USO1: variants seen among roughly 807,000 people sequenced by gnomAD.
USO1 encodes the protein general vesicular transport factor p115.
In USO1, 57 loss-of-function variants were observed where a neutral mutation model predicts 124.5. That is an observed-to-expected ratio of 0.46 (90% confidence interval 0.37 to 0.57). The LOEUF (loss-of-function observed/expected upper bound fraction) is 0.57, where lower values mean the gene tolerates loss of function less well. Among genes scored for constraint, USO1 ranks in the 20% least tolerant of loss-of-function variants. USO1 has a pLI of 0.00. For missense variants in USO1, 900 were observed against 1,040.6 expected (o/e 0.86, Z 1.86); for synonymous variants, 369 against 362.8 (o/e 1.02, Z -0.19).
intron 4 of USO1, among the ~76,000 whole-genome samples, chr4:75,759,966 C>G (rs1395606125): frequency 6.6e-6 from 1 of 150,632 alleles, no homozygotes; most frequent in Non-Finnish European, 1.5e-5. Flanking sequence ...AATTCCAGCA[C>G]TTTGGGAGGC....
At chr4:75,784,197 T>A (rs1722296670) in intron 9 of USO1, among the ~76,000 whole-genome samples, 2 of 152,186 alleles carry the variant, frequency 1.3e-5, no homozygotes, top group Admixed American at 6.5e-5. Context: ...GATTTTTTAT[T>A]TTTAGTAGAC....
At chr4:75,763,155 GTAC>G (rs1299262472) in intron 4 of USO1, among the ~76,000 whole-genome samples, 1 of 152,124 alleles carries the variant, frequency 6.6e-6, no homozygotes. Context: ...TCTGGAAAAA[GTAC>G]TACTAGAAAT....
rs1037747548 is a variant in USO1, at chr4:75,750,045, G to A, written c.67-2328G>A. Among the ~76,000 whole-genome samples, 18 of 152,198 alleles carry A rather than the reference G, an allele frequency of 1.2e-4. 1 individual carries two copies. The South Asian group carries it at 1.9e-3, about 16-fold the overall frequency. On this transcript the variant is annotated intron_variant, in intron 1 of 23. Coordinates refer to ENST00000514213, the MANE Select transcript of USO1 (RefSeq NM_003715.4). ...TAGGATTATAGGCGTGAGCCACCACGCCCGGCCTAAACTATGTTCTTCATC... is the reference window on the plus strand; with the variant it reads ...TAGGATTATAGGCGTGAGCCACCACACCCGGCCTAAACTATGTTCTTCATC...
In USO1 at chr4:75,797,234, C is replaced by CT. The variant is rs200485204; in HGVS notation, c.1453-2379dup. On this transcript the variant is annotated intron_variant, in intron 13 of 23. Transcript: ENST00000514213. ...ATGTTTATCTTATACTTTCTGGTTT[C>CT]TTTTTTTTTCATTTAATTCTTTGTT... is the stretch of plus-strand genomic sequence containing the variant. Among the ~76,000 whole-genome samples, 915 of 150,898 alleles carry CT rather than the reference C, an allele frequency of 6.1e-3. 10 individuals are homozygous for CT. Among genetic ancestry groups the CT allele is most frequent in the African/African-American group, 0.02 (814 of 41,150 alleles).
At chr4:75,793,658 A>G (rs895597587) in intron 12 of USO1, 32 bp from the exon 13 acceptor site, 8 of 1,562,156 alleles carry the variant, frequency 5.1e-6, no homozygotes, top group Non-Finnish European at 6.1e-6. Flanking sequence ...AAAATCTAAT[A>G]TATTTTTATT....
chr4:75,770,334 A>T, intron 4 of USO1, 105 bp from the exon 5 acceptor site: 1 of 1,105,020 alleles, frequency 9.0e-7, no homozygotes, highest in Non-Finnish European at 1.2e-6. Context: ...TCCAGTGTTG[A>T]ATTGTTTACC....
At chr4:75,736,968 G>A (rs927500415) in intron 1 of USO1, among the ~76,000 whole-genome samples, 20 of 152,126 alleles carry the variant, frequency 1.3e-4, no homozygotes, top group Non-Finnish European at 2.1e-4. Context: ...TCCAGTTGGG[G>A]AGGTTCAATG....
rs773780635 is a variant in USO1, at chr4:75,755,430, A to G, written c.219-2067A>G. 2.3e-5 allele frequency: 12 copies of G among 519,038 alleles called. No individual in the cohort carries two copies. In the East Asian group the frequency reaches 6.0e-4, roughly 26 times the overall value. The allele number at this position is 519,038 out of a possible 1,614,324, so 32.2% of individuals were successfully genotyped here. The stretch of plus-strand genomic sequence containing the variant: ...CGTATCTTCAGTCATTCTCTCATTT[A>G]ATGCATTTCACCAGTTCAGTGAAGT... On this transcript the variant is annotated intron_variant, in intron 3 of 23. Coordinates refer to ENST00000514213, the MANE Select transcript of USO1 (RefSeq NM_003715.4).
intron 12 of USO1, among the ~76,000 whole-genome samples, chr4:75,792,696 CA>C (rs1034543595): frequency 2.7e-5 from 4 of 146,348 alleles, no homozygotes; most frequent in African/African-American, 5.0e-5. Context: ...ACCCTGTCTC[CA>C]AAAAAAAACA....
chr4:75,788,544 TTTC>T (rs1220830326), intron 10 of USO1, among the ~76,000 whole-genome samples: 89 of 140,190 alleles, frequency 6.3e-4, no homozygotes, highest in African/African-American at 2.1e-3. Flanking sequence ...TTTCTTTTCT[TTTC>T]TTTTTTTTTT....
chr4:75,793,970 T>C (rs2149184045), intron 13 of USO1, 69 bp downstream of exon 13: 1 of 1,585,458 alleles, frequency 6.3e-7, no homozygotes, highest in East Asian at 2.2e-5. Flanking sequence ...TAAGGATGTC[T>C]TTAGAAGATG....
At chr4:75,727,106 C>G (rs1720486583) in intron 1 of USO1, among the ~76,000 whole-genome samples, 1 of 152,092 alleles carries the variant, frequency 6.6e-6, no homozygotes, top group African/African-American at 2.4e-5. Context: ...TTATTATTGG[C>G]CTTGTCACAG....
Position 75,782,397 on chromosome 4 carries a change from T to C in USO1, c.677-283T>C, listed in dbSNP as rs1008017586. ...CGCTAACCTAGTCCTGTAGTCTTGG[T>C]AATCATTCCTGAAGAAATGATGTTT... On this transcript the variant is annotated intron_variant, in intron 8 of 23. Coordinates refer to ENST00000514213, the MANE Select transcript of USO1 (RefSeq NM_003715.4). Among the ~76,000 whole-genome samples, 2 of 152,312 alleles carry C rather than the reference T, an allele frequency of 1.3e-5. 1 individual carries two copies. The highest frequency in any genetic ancestry group is 4.1e-4 in the South Asian group (2 of 4,828).
At position 75,805,687 on chromosome 4, in the gene USO1, C is replaced by T. The variant is rs547747186; in HGVS notation, c.2289+384C>T. Among the ~76,000 whole-genome samples the T allele has an allele frequency of 4.7e-5, 7 of 147,680 alleles. No homozygotes were observed. The East Asian group carries it at 8.0e-4, about 17-fold the overall frequency. On this transcript the variant is annotated intron_variant, in intron 19 of 23. Coordinates refer to ENST00000514213, the MANE Select transcript of USO1 (RefSeq NM_003715.4). ...ACCCCACTTCACCTCATTGCCTGTG[C>T]GACAGAGGGAGACTTTCCATCTAAA...
chr4:75,799,833 C>T (rs1164194969), intron 14 of USO1, 101 bp downstream of exon 14: 1 of 1,366,632 alleles, frequency 7.3e-7, no homozygotes, highest in Non-Finnish European at 1.0e-6. Context: ...TTTGAATTCT[C>T]CACTATCTTA....
At chr4:75,744,216 A>G (rs1039509158) in intron 1 of USO1, among the ~76,000 whole-genome samples, 7 of 152,164 alleles carry the variant, frequency 4.6e-5, no homozygotes, top group Non-Finnish European at 8.8e-5. Flanking sequence ...TGGCCCCCCC[A>G]TAAGTGTGGC....
intron 9 of USO1, among the ~76,000 whole-genome samples, chr4:75,783,737 G>A (rs1287867581): frequency 1.3e-5 from 2 of 152,226 alleles, no homozygotes; most frequent in Middle Eastern, 3.4e-3. Flanking sequence ...CAGTTTGCCA[G>A]TACATTACTC....
rs1184686404 is a variant in USO1 at position 75,771,146 on chromosome 4, A to C, written c.555+9A>C. ...AAGTTATACGTAATGATGTAAGTTAAATTTCAAAAAGAAATACAAAAATAT... is the reference window on the plus strand; with the variant it reads ...AAGTTATACGTAATGATGTAAGTTACATTTCAAAAAGAAATACAAAAATAT... On this transcript the variant is annotated intron_variant, in intron 7 of 23. Transcript: ENST00000514213. 6.3e-7 allele frequency: 1 copy of C among 1,592,290 alleles called. No homozygotes were observed. Among genetic ancestry groups the C allele is most frequent in the Non-Finnish European group, 8.5e-7 (1 of 1,173,404 alleles).
rs778333068 is a variant in USO1, at chr4:75,799,743, T to C, written c.1563+11T>C. 2 of 1,613,146 alleles carry C rather than the reference T, an allele frequency of 1.2e-6. No homozygotes were observed. The highest frequency in any genetic ancestry group is 2.2e-5 in the East Asian group (1 of 44,796). ...GCCAATGTTCCATTTGTATCCTTTA[T>C]GTTTTAGTAACGTACATGTAAGTAT... On this transcript the variant is annotated intron_variant, in intron 14 of 23. Transcript: ENST00000514213.
Sources: gnomAD v4.1 joint callset for allele counts (sites outside exome capture counted in the v4.1 genomes callset) on GRCh38, gnomAD v4.1.1 for gene constraint, MANE v1.5 for transcripts, NCBI Gene and HGNC (gene_info 2026-07-23, HGNC 2026-07-21) for gene names.